Variants in UTRN observed in about 807,000 individuals in gnomAD.
UTRN encodes utrophin, also known as dystrophin-related protein 1.
A neutral mutation model predicts 463.9 loss-of-function variants in UTRN; 283 were observed. That is an observed-to-expected ratio of 0.61 (90% confidence interval 0.55 to 0.67). The LOEUF (loss-of-function observed/expected upper bound fraction) is 0.67, where lower values mean the gene tolerates loss of function less well. Ranked by LOEUF, UTRN falls within the 30% of genes least tolerant of loss-of-function variation. The pLI is 0.00. For missense variants in UTRN, 3,922 were observed against 4,084.3 expected, an observed-to-expected ratio of 0.96 and a Z score of 1.08; for synonymous variants, 1,442 against 1,431.5, an observed-to-expected ratio of 1.01 and a Z score of -0.17.
chr6:144,400,505 G>A (rs140394357), intron 2 of UTRN, among the ~76,000 whole-genome samples: 5 of 152,276 alleles, frequency 3.3e-5, no homozygotes. Flanking sequence ...GTGGAGGTTA[G>A]TAAGTGTGTG....
At position 144,400,674 on chromosome 6, in the gene UTRN, C is replaced by T. The variant is rs140778224; in HGVS notation, c.80-2449C>T. Among the ~76,000 whole-genome samples the T allele has an allele frequency of 1.4e-3, 216 of 152,206 alleles. 1 individual carries two copies. The highest frequency in any genetic ancestry group is 5.0e-3 in the African/African-American group (206 of 41,546). The stretch of plus-strand genomic sequence containing the variant: ...CAAACTAGTCTTTGAAATATGTACT[C>T]CCTTTTCCCCATTTTTAACTGTATC... On this transcript the variant is annotated intron_variant, in intron 2 of 74. Transcript: ENST00000367545.
chr6:144,723,647 C>T (rs747654573), intron 53 of UTRN, among the ~76,000 whole-genome samples: 4 of 152,154 alleles, frequency 2.6e-5, no homozygotes, highest in Non-Finnish European at 5.9e-5. Context: ...TGTTATTGCA[C>T]ATACTGAACA....
intron 51 of UTRN, among the ~76,000 whole-genome samples, chr6:144,617,847 A>C (rs1222385002): frequency 6.6e-6 from 1 of 152,150 alleles, no homozygotes; most frequent in Non-Finnish European, 1.5e-5. Context: ...GCATAATCTC[A>C]AATTTACTGC....
intron 44 of UTRN, among the ~76,000 whole-genome samples, chr6:144,538,175 T>C (rs1017428658): frequency 2.6e-5 from 4 of 152,166 alleles, no homozygotes; most frequent in Non-Finnish European, 5.9e-5. Flanking sequence ...TTAATCAGAT[T>C]TTCTTTGTTG....
intron 2 of UTRN, among the ~76,000 whole-genome samples, chr6:144,293,894 A>ATGTGTG (rs57561876): frequency 0.016 from 2,414 of 148,642 alleles, 68 homozygotes; most frequent in African/African-American, 0.056. Context: ...GATGTGTGTG[A>ATGTGTG]TGTGTGTGTG....
At chr6:144,846,067 G>A (rs938011864) in intron 73 of UTRN, among the ~76,000 whole-genome samples, 5 of 152,126 alleles carry the variant, frequency 3.3e-5, no homozygotes, top group Admixed American at 6.6e-5. Context: ...CATTGAGAAC[G>A]AGATGATCAT....
At chr6:144,410,800 G>A (rs1429753202) in intron 3 of UTRN, among the ~76,000 whole-genome samples, 1 of 124,862 alleles carries the variant, frequency 8.0e-6, no homozygotes, top group Admixed American at 7.7e-5. Flanking sequence ...GTGTATATGT[G>A]TGTGTGTGTG....
chr6:144,843,503 T>C (rs1480496231), intron 73 of UTRN, among the ~76,000 whole-genome samples: 2 of 152,184 alleles, frequency 1.3e-5, no homozygotes, highest in Non-Finnish European at 2.9e-5. Flanking sequence ...AACAGGTAAA[T>C]GTATGTATCT....
chr6:144,616,395 C>T (rs1003459332), intron 51 of UTRN, among the ~76,000 whole-genome samples: 2 of 152,032 alleles, frequency 1.3e-5, no homozygotes, highest in South Asian at 2.1e-4. Context: ...TAACTGTTAG[C>T]GAATCCTTTG....
chr6:144,766,498 A>T (rs1425252934), intron 58 of UTRN, among the ~76,000 whole-genome samples: 1 of 152,036 alleles, frequency 6.6e-6, no homozygotes, highest in Non-Finnish European at 1.5e-5. Context: ...TGGTTTTCTC[A>T]TAGTACCTCC....
chr6:144,712,679 A>T (rs1785860821), intron 53 of UTRN, among the ~76,000 whole-genome samples: 1 of 152,212 alleles, frequency 6.6e-6, no homozygotes, highest in Non-Finnish European at 1.5e-5. Context: ...TCTAGCAGTG[A>T]TGCAGGCTTG....
chr6:144,576,125 T>C (rs375126234), intron 50 of UTRN, among the ~76,000 whole-genome samples: 1 of 152,338 alleles, frequency 6.6e-6, no homozygotes, highest in South Asian at 2.1e-4. Context: ...ATAGTCTATG[T>C]ATAAATATAG....
chr6:144,349,925 A>G (rs1334257498), intron 2 of UTRN, among the ~76,000 whole-genome samples: 3 of 152,190 alleles, frequency 2.0e-5, no homozygotes, highest in South Asian at 2.1e-4. Flanking sequence ...CTTAATTTGA[A>G]CAGTTCAATG....
intron 63 of UTRN, among the ~76,000 whole-genome samples, chr6:144,795,826 G>A (rs1777163106): frequency 1.3e-5 from 2 of 152,090 alleles, no homozygotes. Flanking sequence ...TAGGTTGCCT[G>A]TTCACTCTGA....
At chr6:144,805,657 T>C (rs1405116774) in intron 65 of UTRN, among the ~76,000 whole-genome samples, 3 of 152,198 alleles carry the variant, frequency 2.0e-5, no homozygotes, top group South Asian at 2.1e-4. Flanking sequence ...TTAACAATTA[T>C]TAAGACTTCC....
At chr6:144,669,003 A>T (rs1198035519) in intron 51 of UTRN, among the ~76,000 whole-genome samples, 1 of 152,184 alleles carries the variant, frequency 6.6e-6, no homozygotes, top group Non-Finnish European at 1.5e-5. Context: ...GGAGACTCAC[A>T]CCACATCTTC....
chr6:144,775,026 G>T (rs1775196621), intron 60 of UTRN, among the ~76,000 whole-genome samples: 1 of 152,142 alleles, frequency 6.6e-6, no homozygotes, highest in Non-Finnish European at 1.5e-5. Flanking sequence ...TAATGATTGA[G>T]TCTACCCTAG....
chr6:144,504,167 A>G (rs917975166), intron 34 of UTRN, among the ~76,000 whole-genome samples: 2 of 152,166 alleles, frequency 1.3e-5, no homozygotes, highest in Non-Finnish European at 2.9e-5. Flanking sequence ...CTAAATATAC[A>G]ATTATGTCAT....
chr6:144,347,837 G>GTTTTTTTTTTGTT (rs1777720200), intron 2 of UTRN, among the ~76,000 whole-genome samples: 2 of 128,896 alleles, frequency 1.6e-5, no homozygotes, highest in African/African-American at 6.8e-5. Flanking sequence ...CTTATTCTTT[G>GTTTTTTTTTTGTT]TTTTTTTTTT....
Sources: allele counts gnomAD v4.1 joint callset (sites outside exome capture counted in the v4.1 genomes callset), GRCh38; gene constraint gnomAD v4.1.1; transcripts MANE v1.5; gene names NCBI Gene and HGNC (gene_info 2026-07-23, HGNC 2026-07-21).